MCM6: variants seen among roughly 807,000 people sequenced by gnomAD.
MCM6 encodes DNA replication licensing factor MCM6.
Under a neutral mutation model 94.3 loss-of-function variants are expected in MCM6, and 46 were observed. The ratio of observed to expected loss-of-function variants is 0.49; its 90% CI spans 0.39 to 0.62. MCM6 has a LOEUF of 0.62. MCM6 is among the 20% of genes least tolerant of loss of function. MCM6 has a pLI of 0.00. For missense variants in MCM6, 865 were observed against 1,017.9 expected, an observed-to-expected ratio of 0.85 and a Z score of 2.04; for synonymous variants, 335 against 351.9, an observed-to-expected ratio of 0.95 and a Z score of 0.54.
chr2:135,859,695 T>C (rs1186002283), intron 8 of MCM6, among the ~76,000 whole-genome samples: 1 of 151,882 alleles, frequency 6.6e-6, no homozygotes, highest in Non-Finnish European at 1.5e-5. Flanking sequence ...CTCCACCTCC[T>C]AGGTTCAGGC....
intron 15 of MCM6, among the ~76,000 whole-genome samples, chr2:135,845,647 G>A (rs1016284736): frequency 6.6e-6 from 1 of 152,228 alleles, no homozygotes; most frequent in East Asian, 1.9e-4. Context: ...TAACTATCAA[G>A]TAGAAGTTTA....
intron 6 of MCM6, among the ~76,000 whole-genome samples, chr2:135,865,690 C>G (rs937748610): frequency 2.6e-5 from 4 of 152,172 alleles, no homozygotes; most frequent in Admixed American, 6.5e-5. Context: ...CACTTAAAAG[C>G]ATTGAGCTTT....
intron 6 of MCM6, among the ~76,000 whole-genome samples, chr2:135,865,897 C>G (rs1680086249): frequency 6.6e-6 from 1 of 152,144 alleles, no homozygotes; most frequent in African/African-American, 2.4e-5. Context: ...CTAAGACTCA[C>G]TGTTGGCCTG....
rs1386093841 is a variant in MCM6 at position 135,876,266 on chromosome 2, A to G, written c.100T>C (p.Leu34=). The stretch of plus-strand genomic sequence containing the variant: ...GGGCGCTCGCCGACTTACTCCTCCA[A>G]GAAGTCCAGGAACAGTTTCTGGCAC... ...EKCQKLFLDF[L]EEFQSSDGEI... is the part of the protein sequence containing the mutation. The change falls in exon 1 of 17, where the codon TTG becomes CTG. Residue 34 remains leucine, a synonymous_variant. Transcript: ENST00000264156. 8 of 1,604,564 alleles carry G rather than the reference A, an allele frequency of 5.0e-6. 1 individual carries two copies. Among genetic ancestry groups the G allele is most frequent in the Middle Eastern group, 1.7e-4 (1 of 5,802 alleles).
At position 135,855,700 on chromosome 2, in the gene MCM6, C is replaced by A. The variant is rs142590720; in HGVS notation, c.1626+1028G>T. On this transcript the variant is annotated intron_variant, in intron 11 of 16. Coordinates refer to ENST00000264156, the MANE Select transcript of MCM6 (RefSeq NM_005915.6). Reference sequence around the variant, plus strand: ...AAAATCCAAGCCCTCCAAACACTCACAAAATGGAAGGCTACTTTTATTTAG... The same window carrying A: ...AAAATCCAAGCCCTCCAAACACTCAAAAAATGGAAGGCTACTTTTATTTAG... 4.3e-3 allele frequency among the ~76,000 whole-genome samples: 659 copies of A among 152,142 alleles called. 3 individuals carry two copies. Among genetic ancestry groups the A allele is most frequent in the African/African-American group, 0.014 (582 of 41,470 alleles).
rs1285944718 is a variant in MCM6, at chr2:135,840,476, A to T, written c.*359T>A. ...AAGTTATTTTATTTTGATGAATAAAAGCAGTAGCTGGCAATTGAAAAAAAG... is the reference window on the plus strand; with the variant it reads ...AAGTTATTTTATTTTGATGAATAAATGCAGTAGCTGGCAATTGAAAAAAAG... On this transcript the variant is annotated 3_prime_UTR_variant, in exon 17 of 17. Transcript: ENST00000264156. 6.1e-6 allele frequency: 1 copy of T among 163,418 alleles called. No individual in the cohort carries two copies. The highest frequency in any genetic ancestry group is 2.4e-5 in the African/African-American group (1 of 41,806). The allele number at this position is 163,418 out of a possible 1,614,324, so 10.1% of individuals were successfully genotyped here. A position where few individuals can be genotyped will look rare whatever the true frequency, so the allele number is the denominator to read the frequency against.
chr2:135,870,904 T>C (rs533824751), intron 2 of MCM6, among the ~76,000 whole-genome samples: 3 of 152,240 alleles, frequency 2.0e-5, no homozygotes, highest in East Asian at 1.9e-4. Context: ...TGCACCACCA[T>C]GCCCAGCTAA....
chr2:135,874,564 G>A (rs1402241911), intron 1 of MCM6, among the ~76,000 whole-genome samples: 1 of 152,172 alleles, frequency 6.6e-6, no homozygotes. Context: ...GACAAAAGGT[G>A]GAATGAACCT....
intron 8 of MCM6, among the ~76,000 whole-genome samples, chr2:135,860,869 G>C (rs1157848071): frequency 6.6e-6 from 1 of 152,100 alleles, no homozygotes; most frequent in African/African-American, 2.4e-5. Flanking sequence ...TATACTGATG[G>C]CTCTAATCAA....
chr2:135,875,518 A>C (rs899562110), intron 1 of MCM6, among the ~76,000 whole-genome samples: 2 of 152,158 alleles, frequency 1.3e-5, no homozygotes, highest in South Asian at 4.1e-4. Context: ...GCCATTCCAA[A>C]CTGCTGACCC....
intron 2 of MCM6, among the ~76,000 whole-genome samples, chr2:135,872,261 C>T (rs774299842): frequency 9.2e-5 from 14 of 152,220 alleles, no homozygotes; most frequent in Non-Finnish European, 1.6e-4. Flanking sequence ...GCCTGACCAA[C>T]ATGGTGACAC....
intron 13 of MCM6, among the ~76,000 whole-genome samples, chr2:135,850,949 C>T (rs187602841): frequency 6.6e-6 from 1 of 152,282 alleles, no homozygotes; most frequent in East Asian, 1.9e-4. Context: ...CCCTTTCGTA[C>T]TACTCCCCTT....
intron 11 of MCM6, among the ~76,000 whole-genome samples, chr2:135,855,016 C>T (rs915044583): frequency 4.6e-5 from 7 of 151,842 alleles, no homozygotes; most frequent in South Asian, 2.1e-4. Context: ...ATTAGCCAGG[C>T]GTGGTGGCAC....
intron 13 of MCM6, among the ~76,000 whole-genome samples, chr2:135,849,770 C>T (rs56143653): frequency 0.014 from 2,099 of 152,030 alleles, 20 homozygotes; most frequent in Middle Eastern, 0.031. Context: ...ATGGATTGTT[C>T]AATAAATGGT....
chr2:135,865,682 C>T (rs1415550533), intron 6 of MCM6, among the ~76,000 whole-genome samples: 3 of 152,122 alleles, frequency 2.0e-5, no homozygotes, highest in African/African-American at 7.2e-5. Context: ...TACCACTGCA[C>T]TTAAAAGCAT....
At chr2:135,865,744 C>T (rs1680083045) in intron 6 of MCM6, among the ~76,000 whole-genome samples, 1 of 152,122 alleles carries the variant, frequency 6.6e-6, no homozygotes, top group East Asian at 1.9e-4. Context: ...ATCAGAAAGG[C>T]ATACGTCAAA....
chr2:135,847,334 G>C (rs1202977976), intron 14 of MCM6, among the ~76,000 whole-genome samples: 1 of 152,124 alleles, frequency 6.6e-6, no homozygotes, highest in Non-Finnish European at 1.5e-5. Context: ...AGGACTGCTT[G>C]AGCCCAGGAA....
At chr2:135,866,480 A>G in intron 5 of MCM6, 83 bp downstream of exon 5, 1 of 1,477,304 alleles carries the variant, frequency 6.8e-7, no homozygotes, top group Non-Finnish European at 9.1e-7. Flanking sequence ...AGCCAAAAAG[A>G]AGACAATGAA....
intron 13 of MCM6, among the ~76,000 whole-genome samples, chr2:135,849,689 G>C (rs1429299577): frequency 6.6e-6 from 1 of 152,120 alleles, no homozygotes; most frequent in African/African-American, 2.4e-5. Context: ...GAACAGAATG[G>C]AAAGTCCAAA....
Sources: gnomAD v4.1 joint callset for allele counts (sites outside exome capture counted in the v4.1 genomes callset) on GRCh38, gnomAD v4.1.1 for gene constraint, MANE v1.5 for transcripts, NCBI Gene and HGNC (gene_info 2026-07-23, HGNC 2026-07-21) for gene names.